The following SUPT3H variants were observed in gnomAD, a reference collection of about 807,000 sequenced individuals.
The protein encoded by SUPT3H is transcription initiation protein SPT3 homolog.
A neutral mutation model predicts 44.3 loss-of-function variants in SUPT3H; 44 were observed. That is an observed-to-expected ratio of 0.99 (90% CI 0.78 to 1.28). The LOEUF is 1.28. Ranked by LOEUF, SUPT3H falls within the 50% of genes most tolerant of loss-of-function variation. The pLI, the probability that SUPT3H is intolerant of heterozygous loss-of-function variation, is 0.00. For synonymous variants in SUPT3H, 124 were observed against 125.6 expected, an observed-to-expected ratio of 0.99 and a Z score of 0.09; for missense variants, 380 against 387.1, an observed-to-expected ratio of 0.98 and a Z score of 0.15.
intron 10 of SUPT3H, among the ~76,000 whole-genome samples, chr6:44,928,898 A>AAAAAAAAAAAAAAAAAAAC (rs1770039620): frequency 7.3e-6 from 1 of 137,412 alleles, no homozygotes; most frequent in Non-Finnish European, 1.6e-5. Context: ...AAAAAAAAAA[A>AAAAAAAAAAAAAAAAAAAC]AAAAAAGAAA....
At chr6:45,328,456 A>G (rs1786781488) in intron 2 of SUPT3H, 1 of 1,471,642 alleles carries the variant, frequency 6.8e-7, no homozygotes, top group Non-Finnish European at 9.2e-7. Flanking sequence ...AGACCAACAG[A>G]GTCAGTGAGT....
chr6:45,275,220 G>A (rs1776822027), intron 2 of SUPT3H, among the ~76,000 whole-genome samples: 1 of 152,128 alleles, frequency 6.6e-6, no homozygotes, highest in Admixed American at 6.5e-5. Flanking sequence ...TGGTGACTGG[G>A]AACATGAGGG....
intron 2 of SUPT3H, among the ~76,000 whole-genome samples, chr6:45,220,131 C>T (rs1765794816): frequency 6.8e-6 from 1 of 146,632 alleles, no homozygotes; most frequent in Non-Finnish European, 1.5e-5. Context: ...TTTTATCAGG[C>T]AAATATAAAC....
chr6:44,996,192 T>C (rs1415381721), intron 6 of SUPT3H, among the ~76,000 whole-genome samples: 1 of 151,900 alleles, frequency 6.6e-6, no homozygotes. Context: ...GTTTTACTAA[T>C]CTACATTTCC....
intron 6 of SUPT3H, among the ~76,000 whole-genome samples, chr6:44,986,822 C>T (rs1247034218): frequency 6.6e-6 from 1 of 151,666 alleles, no homozygotes; most frequent in African/African-American, 2.4e-5. Flanking sequence ...GAGCTTTCTC[C>T]TCAAGTAGAG....
At chr6:44,939,512 T>C (rs1772050431) in intron 9 of SUPT3H, among the ~76,000 whole-genome samples, 2 of 152,088 alleles carry the variant, frequency 1.3e-5, no homozygotes, top group Admixed American at 1.3e-4. Flanking sequence ...GGGATATTGG[T>C]CTGTACTTTT....
At chr6:45,162,187 T>C (rs1449707731) in intron 2 of SUPT3H, among the ~76,000 whole-genome samples, 1 of 151,904 alleles carries the variant, frequency 6.6e-6, no homozygotes, top group Admixed American at 6.6e-5. Context: ...TAATTCAGTG[T>C]TATATGACTT....
At chr6:44,913,661 C>T (rs965281834) in intron 10 of SUPT3H, among the ~76,000 whole-genome samples, 1 of 152,150 alleles carries the variant, frequency 6.6e-6, no homozygotes, top group Non-Finnish European at 1.5e-5. Context: ...TGCAACTCTA[C>T]AAAAGCATCC....
chr6:45,222,318 G>A (rs1019261323), intron 2 of SUPT3H, among the ~76,000 whole-genome samples: 8 of 152,004 alleles, frequency 5.3e-5, no homozygotes, highest in African/African-American at 1.7e-4. Context: ...ACTACAAACC[G>A]TAAGGAAAAC....
At chr6:45,207,485 T>C (rs1763379874) in intron 2 of SUPT3H, among the ~76,000 whole-genome samples, 1 of 152,182 alleles carries the variant, frequency 6.6e-6, no homozygotes, top group East Asian at 1.9e-4. Flanking sequence ...AATGGGATGG[T>C]AAATAGAGAC....
chr6:45,332,949 A>C (rs1787803409), intron 2 of SUPT3H, among the ~76,000 whole-genome samples: 1 of 151,660 alleles, frequency 6.6e-6, no homozygotes, highest in African/African-American at 2.4e-5. Context: ...CTTCCACTGA[A>C]GATAGATAAA....
At chr6:44,928,956 CTGT>C (rs1770088450) in intron 10 of SUPT3H, among the ~76,000 whole-genome samples, 1 of 147,838 alleles carries the variant, frequency 6.8e-6, no homozygotes, top group South Asian at 2.2e-4. Context: ...AAAGAGAGTA[CTGT>C]TGTTAACCAC....
chr6:45,308,944 T>C (rs1481134469), intron 2 of SUPT3H, among the ~76,000 whole-genome samples: 3 of 148,368 alleles, frequency 2.0e-5, no homozygotes, highest in Non-Finnish European at 4.4e-5. Flanking sequence ...ATAGCACTGT[T>C]TATGCCTTTT....
At position 44,903,798 on chromosome 6, in the gene SUPT3H, C is replaced by A. The variant is rs551246862; in HGVS notation, c.912+28855G>T. On this transcript the variant is annotated intron_variant, in intron 10 of 10. Transcript: ENST00000371459. ...AAATCCTCAATAAAATACTGGCAAA[C>A]CGAATCCAGCAGCACATCAAAAAGC... 6.6e-5 allele frequency among the ~76,000 whole-genome samples: 10 copies of A among 152,260 alleles called. No homozygotes were observed. In the South Asian group the frequency reaches 2.1e-3, roughly 32 times the overall value.
At chr6:44,932,527 A>G (rs1770742958) in intron 10 of SUPT3H, 126 bp downstream of exon 10, 4 of 613,456 alleles carry the variant, frequency 6.5e-6, no homozygotes, top group Non-Finnish European at 1.1e-5. Context: ...TGCCACTTTT[A>G]TACAACAAAA....
chr6:44,970,010 A>C (rs1029626039), intron 6 of SUPT3H, among the ~76,000 whole-genome samples: 1 of 152,196 alleles, frequency 6.6e-6, no homozygotes, highest in African/African-American at 2.4e-5. Flanking sequence ...GAAACACACA[A>C]AAAGATATTT....
At chr6:44,902,821 A>C (rs2153449065) in intron 10 of SUPT3H, among the ~76,000 whole-genome samples, 1 of 152,336 alleles carries the variant, frequency 6.6e-6, no homozygotes, top group Non-Finnish European at 1.5e-5. Context: ...AGAAATTATA[A>C]CAAACTGTCT....
At chr6:45,055,542 G>A (rs914509297) in intron 3 of SUPT3H, among the ~76,000 whole-genome samples, 10 of 152,002 alleles carry the variant, frequency 6.6e-5, no homozygotes, top group African/African-American at 2.2e-4. Flanking sequence ...ACTGATCTTC[G>A]ACAAAACAAA....
chr6:44,982,435 G>C (rs1333205812), intron 6 of SUPT3H, among the ~76,000 whole-genome samples: 6 of 152,176 alleles, frequency 3.9e-5, no homozygotes, highest in African/African-American at 1.4e-4. Flanking sequence ...GTGTTAGCCA[G>C]GATGGCCTCC....
Sources: allele counts gnomAD v4.1 joint callset (sites outside exome capture counted in the v4.1 genomes callset), GRCh38; gene constraint gnomAD v4.1.1; transcripts MANE v1.5; gene names NCBI Gene and HGNC (gene_info 2026-07-23, HGNC 2026-07-21).